The following LRRC4C variants were observed in gnomAD, a reference collection of about 807,000 sequenced individuals.
LRRC4C encodes leucine rich repeat containing 4C, also known as leucine-rich repeat-containing protein 4C.
A neutral mutation model predicts 33.6 loss-of-function variants in LRRC4C; 5 were observed. That is an observed-to-expected ratio of 0.15 (90% CI 0.08 to 0.31). The LOEUF is 0.31. Ranked by LOEUF, LRRC4C falls within the 10% of genes least tolerant of loss-of-function variation. The pLI is 1.00. For missense variants in LRRC4C, 560 were observed against 796.7 expected (o/e 0.70, Z 3.58); for synonymous variants, 329 against 302.0 (o/e 1.09, Z -0.93).
At chr11:40,620,136 C>G (rs999485061) in intron 3 of LRRC4C, among the ~76,000 whole-genome samples, 2 of 150,724 alleles carry the variant, frequency 1.3e-5, no homozygotes, top group South Asian at 4.2e-4. Context: ...CATGGCTGAG[C>G]TGCAGATATA....
chr11:40,571,748 G>A (rs1258800466), intron 3 of LRRC4C, among the ~76,000 whole-genome samples: 1 of 152,064 alleles, frequency 6.6e-6, no homozygotes. Flanking sequence ...CTATAGCTTA[G>A]AACATCTCAA....
chr11:40,300,638 T>C (rs964684), intron 4 of LRRC4C, among the ~76,000 whole-genome samples: 94,861 of 151,980 alleles, frequency 0.62, 30,264 homozygotes, highest in East Asian at 0.78. Context: ...AATAGTACAG[T>C]ATTTGCATGT....
At chr11:41,304,000 G>A (rs1458239796) in intron 1 of LRRC4C, among the ~76,000 whole-genome samples, 2 of 81,200 alleles carry the variant, frequency 2.5e-5, no homozygotes, top group Non-Finnish European at 6.0e-5. Context: ...GGAGGTGGGG[G>A]GGGTCAGCCC....
rs190312725 is a variant in LRRC4C at position 41,370,592 on chromosome 11, A to G, written c.-496+88839T>C. ...TAAGAAGCGCCTTTCTCCTCCTGCCATGATTCTGAGGTCTCCCCAGCCAAT... is the reference window on the plus strand; with the variant it reads ...TAAGAAGCGCCTTTCTCCTCCTGCCGTGATTCTGAGGTCTCCCCAGCCAAT... On this transcript the variant is annotated intron_variant, in intron 1 of 6. Coordinates refer to ENST00000528697, the MANE Select transcript of LRRC4C (RefSeq NM_001258419.2). Among the ~76,000 whole-genome samples, 645 of 152,254 alleles carry G rather than the reference A, an allele frequency of 4.2e-3. 1 individual carries two copies. Among genetic ancestry groups the G allele is most frequent in the Non-Finnish European group, 6.0e-3 (407 of 68,020 alleles).
chr11:40,554,955 T>C (rs1189131843), intron 3 of LRRC4C, among the ~76,000 whole-genome samples: 1 of 143,256 alleles, frequency 7.0e-6, no homozygotes, highest in Non-Finnish European at 1.5e-5. Context: ...TCTCCTGACC[T>C]CGTGATCCGC....
intron 2 of LRRC4C, among the ~76,000 whole-genome samples, chr11:40,746,557 C>T (rs1399411117): frequency 6.6e-6 from 1 of 152,128 alleles, no homozygotes; most frequent in Non-Finnish European, 1.5e-5. Flanking sequence ...CCATTGCTGC[C>T]CCTAACCTGA....
At chr11:40,569,834 T>A (rs1372707010) in intron 3 of LRRC4C, among the ~76,000 whole-genome samples, 1 of 151,992 alleles carries the variant, frequency 6.6e-6, no homozygotes, top group Non-Finnish European at 1.5e-5. Flanking sequence ...AATTTGTGAA[T>A]CAATAAAAAG....
chr11:41,202,215 G>A (rs748280318), intron 1 of LRRC4C, among the ~76,000 whole-genome samples: 1 of 152,124 alleles, frequency 6.6e-6, no homozygotes, highest in Non-Finnish European at 1.5e-5. Flanking sequence ...GAGTAGAGAT[G>A]GTCTTGTCCA....
At chr11:40,605,189 C>T (rs529393460) in intron 3 of LRRC4C, among the ~76,000 whole-genome samples, 1 of 151,892 alleles carries the variant, frequency 6.6e-6, no homozygotes, top group Admixed American at 6.6e-5. Context: ...GTAGCATCAG[C>T]AAGGGAGGTG....
rs138499770 is a variant in LRRC4C, at chr11:41,170,797, A to C, written c.-495-237074T>G. ...AAGAGCTCTGCAAAGCAAAAGAAAC[A>C]ACCATCAGAGTGAACAGGCAACCTA... On this transcript the variant is annotated intron_variant, in intron 1 of 6. Coordinates refer to ENST00000528697, the MANE Select transcript of LRRC4C (RefSeq NM_001258419.2). Among the ~76,000 whole-genome samples the C allele has an allele frequency of 8.6e-3, 1,310 of 152,240 alleles. 22 individuals are homozygous for C. Among genetic ancestry groups the C allele is most frequent in the African/African-American group, 0.03 (1,241 of 41,534 alleles).
intron 1 of LRRC4C, among the ~76,000 whole-genome samples, chr11:41,227,859 T>G (rs1433751195): frequency 6.6e-6 from 1 of 152,154 alleles, no homozygotes; most frequent in African/African-American, 2.4e-5. Context: ...TATTCCTGTC[T>G]TCCCTTCCTT....
At chr11:40,443,040 A>G (rs1235194918) in intron 3 of LRRC4C, among the ~76,000 whole-genome samples, 1 of 152,182 alleles carries the variant, frequency 6.6e-6, no homozygotes, top group Non-Finnish European at 1.5e-5. Context: ...CTGGAAATTA[A>G]TCTCATTACA....
intron 2 of LRRC4C, among the ~76,000 whole-genome samples, chr11:40,724,103 G>C (rs1947167204): frequency 6.6e-6 from 1 of 151,850 alleles, no homozygotes; most frequent in Non-Finnish European, 1.5e-5. Context: ...GAGCACCCAG[G>C]CTCATAAAAC....
intron 2 of LRRC4C, among the ~76,000 whole-genome samples, chr11:40,874,399 T>C (rs1391671434): frequency 6.6e-6 from 1 of 152,176 alleles, no homozygotes; most frequent in African/African-American, 2.4e-5. Flanking sequence ...GCCTTGCTGG[T>C]CCAGAATCAG....
At chr11:40,432,715 T>A (rs1360544241) in intron 3 of LRRC4C, among the ~76,000 whole-genome samples, 1 of 152,214 alleles carries the variant, frequency 6.6e-6, no homozygotes, top group East Asian at 1.9e-4. Context: ...TTTACTTTCA[T>A]CACCTGATTT....
intron 2 of LRRC4C, among the ~76,000 whole-genome samples, chr11:40,735,470 G>A (rs1007093489): frequency 5.4e-5 from 8 of 148,182 alleles, no homozygotes; most frequent in African/African-American, 1.7e-4. Context: ...TTTCATCCAT[G>A]TCCCTACAAA....
At chr11:40,782,858 A>G (rs1950267629) in intron 2 of LRRC4C, among the ~76,000 whole-genome samples, 1 of 152,136 alleles carries the variant, frequency 6.6e-6, no homozygotes, top group East Asian at 1.9e-4. Context: ...ACAGATGTAC[A>G]CACATGTGTA....
intron 1 of LRRC4C, among the ~76,000 whole-genome samples, chr11:41,453,343 C>G (rs1956084558): frequency 6.6e-6 from 1 of 152,074 alleles, no homozygotes; most frequent in African/African-American, 2.4e-5. Flanking sequence ...TGATCATGTA[C>G]TATATTAGGG....
chr11:40,152,729 A>G (rs1240529672), intron 5 of LRRC4C, among the ~76,000 whole-genome samples: 1 of 152,070 alleles, frequency 6.6e-6, no homozygotes, highest in African/African-American at 2.4e-5. Context: ...CCTCCTAGGT[A>G]CACAACTCCA....
Sources: gnomAD v4.1 joint callset for allele counts (sites outside exome capture counted in the v4.1 genomes callset) on GRCh38, gnomAD v4.1.1 for gene constraint, MANE v1.5 for transcripts, NCBI Gene and HGNC (gene_info 2026-07-23, HGNC 2026-07-21) for gene names.